SOX5: variants seen among roughly 807,000 people sequenced by gnomAD.
SOX5 encodes transcription factor SOX-5.
Under a neutral mutation model 92.0 loss-of-function variants are expected in SOX5, and 9 were observed. The ratio of observed to expected loss-of-function variants is 0.10; its 90% confidence interval spans 0.06 to 0.17. The LOEUF (loss-of-function observed/expected upper bound fraction) is 0.17, where lower values mean the gene tolerates loss of function less well. Ranked by LOEUF, SOX5 falls within the 10% of genes least tolerant of loss-of-function variation. The pLI is 1.00. For synonymous variants in SOX5, 344 were observed against 336.3 expected (o/e 1.02, Z -0.25); for missense variants, 642 against 944.5 (o/e 0.68, Z 4.20).
chr12:23,703,066 A>C (rs2090891567), intron 6 of SOX5, among the ~76,000 whole-genome samples: 1 of 152,082 alleles, frequency 6.6e-6, no homozygotes, highest in African/African-American at 2.4e-5. Context: ...GGAACTTTGC[A>C]GCCAGCTGGC....
chr12:24,210,916 C>T (rs925925015), intron 4 of SOX5, among the ~76,000 whole-genome samples: 3 of 152,178 alleles, frequency 2.0e-5, no homozygotes, highest in Non-Finnish European at 4.4e-5. Flanking sequence ...GTAAGTGAGA[C>T]TGATCCTTAA....
chr12:24,167,032 AAT>A (rs1320448406), intron 4 of SOX5, among the ~76,000 whole-genome samples: 4 of 152,166 alleles, frequency 2.6e-5, no homozygotes, highest in African/African-American at 7.2e-5. Context: ...TATATATGAA[AAT>A]ATGTTTAAGC....
chr12:24,164,061 G>T (rs751368013), intron 4 of SOX5, among the ~76,000 whole-genome samples: 1 of 151,980 alleles, frequency 6.6e-6, no homozygotes, highest in Non-Finnish European at 1.5e-5. Context: ...TTTGCCCATG[G>T]AACAAATAAT....
chr12:23,895,726 C>T (rs572517538), intron 2 of SOX5, 67 bp downstream of exon 2: 3 of 1,106,136 alleles, frequency 2.7e-6, no homozygotes, highest in South Asian at 2.6e-5. Context: ...AGGACTGAGG[C>T]CAAACTATTA....
intron 4 of SOX5, among the ~76,000 whole-genome samples, chr12:24,073,361 T>C (rs1372927394): frequency 6.6e-6 from 1 of 152,200 alleles, no homozygotes; most frequent in African/African-American, 2.4e-5. Flanking sequence ...CACATGCTTC[T>C]AAAAATTTAA....
intron 6 of SOX5, among the ~76,000 whole-genome samples, chr12:23,694,283 C>A (rs1428464073): frequency 6.6e-6 from 1 of 152,150 alleles, no homozygotes; most frequent in East Asian, 1.9e-4. Flanking sequence ...AGACTCATGT[C>A]TTTTATCAAT....
intron 2 of SOX5, among the ~76,000 whole-genome samples, chr12:24,280,802 G>A (rs954286083): frequency 6.6e-6 from 1 of 151,546 alleles, no homozygotes; most frequent in Non-Finnish European, 1.5e-5. Flanking sequence ...TTCATCAAAA[G>A]CCATTCTTAT....
At chr12:23,692,694 T>A (rs2140064591) in intron 6 of SOX5, among the ~76,000 whole-genome samples, 1 of 152,330 alleles carries the variant, frequency 6.6e-6, no homozygotes, top group African/African-American at 2.4e-5. Flanking sequence ...TTTCAAATAT[T>A]CGGTATTTTT....
At chr12:24,320,884 A>C (rs1208605004) in intron 2 of SOX5, among the ~76,000 whole-genome samples, 4 of 150,712 alleles carry the variant, frequency 2.7e-5, no homozygotes, top group South Asian at 4.2e-4. Context: ...TAATAATAAT[A>C]ATAATAATAA....
chr12:23,990,844 A>G (rs1465759693), intron 4 of SOX5, among the ~76,000 whole-genome samples: 1 of 152,138 alleles, frequency 6.6e-6, no homozygotes, highest in Admixed American at 6.6e-5. Flanking sequence ...TATCTGATAT[A>G]AAATAGAAAG....
At chr12:24,553,205 T>C (rs1458673162) in intron 1 of SOX5, among the ~76,000 whole-genome samples, 1 of 152,116 alleles carries the variant, frequency 6.6e-6, no homozygotes, top group Non-Finnish European at 1.5e-5. Context: ...TGGAAGAGAA[T>C]AAAAGTGGCA....
intron 1 of SOX5, among the ~76,000 whole-genome samples, chr12:24,459,802 A>G (rs1006341392): frequency 6.6e-6 from 1 of 152,208 alleles, no homozygotes; most frequent in Admixed American, 6.5e-5. Flanking sequence ...GAACTATAAA[A>G]GAACTATTTT....
chr12:24,151,863 A>AT (rs1163054253), intron 4 of SOX5, among the ~76,000 whole-genome samples: 5 of 152,050 alleles, frequency 3.3e-5, no homozygotes, highest in African/African-American at 1.2e-4. Context: ...CAAGAAGTAA[A>AT]AAAATAAATA....
At chr12:24,187,202 G>A (rs1956100024) in intron 4 of SOX5, among the ~76,000 whole-genome samples, 1 of 152,132 alleles carries the variant, frequency 6.6e-6, no homozygotes, top group Non-Finnish European at 1.5e-5. Context: ...GATAACTCCA[G>A]AAGAAAGATG....
At chr12:24,388,511 C>T (rs1958653038) in intron 1 of SOX5, among the ~76,000 whole-genome samples, 1 of 152,124 alleles carries the variant, frequency 6.6e-6, no homozygotes, top group Non-Finnish European at 1.5e-5. Flanking sequence ...TTTCTGGTTC[C>T]TTCAGGCCCA....
intron 4 of SOX5, among the ~76,000 whole-genome samples, chr12:24,019,687 C>T (rs138097754): frequency 6.1e-4 from 93 of 152,272 alleles, no homozygotes; most frequent in African/African-American, 2.2e-3. Context: ...GCACAAAGAT[C>T]CTCACAAGTT....
chr12:23,662,050 T>C lies in SOX5; in HGVS notation c.931+3394A>G, dbSNP rs543817026. Among the ~76,000 whole-genome samples the C allele has an allele frequency of 6.7e-4, 102 of 152,268 alleles. 1 individual carries two copies. The highest frequency in any genetic ancestry group is 1.0e-3 in the Non-Finnish European group (71 of 68,014). On this transcript the variant is annotated intron_variant, in intron 7 of 14. Transcript: ENST00000451604. Reference sequence around the variant, plus strand: ...AATTTTTTTCTTTCCCTGAATGAACTTGTCTCTGAATGAAGCTGACTGATT... The same window carrying C: ...AATTTTTTTCTTTCCCTGAATGAACCTGTCTCTGAATGAAGCTGACTGATT...
At chr12:24,349,660 C>T (rs1953817948) in intron 2 of SOX5, among the ~76,000 whole-genome samples, 2 of 152,144 alleles carry the variant, frequency 1.3e-5, no homozygotes, top group South Asian at 4.1e-4. Context: ...TACATAACAC[C>T]TTTTGTTTAT....
At chr12:24,141,111 A>C (rs1219158134) in intron 4 of SOX5, among the ~76,000 whole-genome samples, 1 of 152,212 alleles carries the variant, frequency 6.6e-6, no homozygotes, top group Admixed American at 6.5e-5. Flanking sequence ...ACACCTTCCC[A>C]AAACTTCACT....
Sources: allele counts gnomAD v4.1 joint callset (sites outside exome capture counted in the v4.1 genomes callset), GRCh38; gene constraint gnomAD v4.1.1; transcripts MANE v1.5; gene names NCBI Gene and HGNC (gene_info 2026-07-23, HGNC 2026-07-21).